Variants in GARNL3 observed in about 807,000 individuals in gnomAD.
The protein encoded by GARNL3 is GTPase activating Rap/RanGAP domain like 3, also known as GTPase-activating Rap/Ran-GAP domain-like protein 3.
GARNL3 carries 63 observed loss-of-function variants against 125.0 expected under a neutral mutation model. That is an observed-to-expected ratio of 0.50 (90% CI 0.41 to 0.62). The LOEUF is 0.62. Ranked by LOEUF, GARNL3 falls within the 20% of genes least tolerant of loss-of-function variation. The pLI, the probability that GARNL3 is intolerant of heterozygous loss-of-function variation, is 0.00. For synonymous variants in GARNL3, 439 were observed against 457.5 expected, an observed-to-expected ratio of 0.96 and a Z score of 0.52; for missense variants, 994 against 1,244.0, an observed-to-expected ratio of 0.80 and a Z score of 3.02.
At chr9:127,320,050 T>G (rs1489060963) in intron 5 of GARNL3, among the ~76,000 whole-genome samples, 1 of 152,218 alleles carries the variant, frequency 6.6e-6, no homozygotes, top group Non-Finnish European at 1.5e-5. Context: ...TAAGCCTAGA[T>G]TCAAGTCCTG....
rs116026150 is a variant in GARNL3 at position 127,372,266 on chromosome 9, C to G, written c.2161+6900C>G. Among the ~76,000 whole-genome samples, 457 of 152,220 alleles carry G rather than the reference C, an allele frequency of 3.0e-3. 1 individual carries two copies. The highest frequency in any genetic ancestry group is 0.01 in the African/African-American group (436 of 41,530). On this transcript the variant is annotated intron_variant, in intron 22 of 27. Transcript: ENST00000373387. ...CCCATCCCCATCCCAGGATTCTTGA[C>G]ACATAAACAAATTGGTGCAATGTGC...
Position 127,311,597 on chromosome 9 carries a change from G to C in GARNL3, c.220-39G>C, listed in dbSNP as rs201202835. The C allele has an allele frequency of 7.2e-6, 10 of 1,389,954 alleles. No homozygotes were observed. In the Admixed American group the frequency reaches 1.0e-4, roughly 14 times the overall value. The allele number at this position is 1,389,954 out of a possible 1,614,324, so 86.1% of individuals were successfully genotyped here. The stretch of plus-strand genomic sequence containing the variant: ...ATTGCCAGGTTCATGTTTACTTTCT[G>C]AATAAGCCTCTTAATGTCACAACTT... On this transcript the variant is annotated intron_variant, in intron 2 of 27. Transcript: ENST00000373387.
At chr9:127,344,867 G>C (rs1215704547) in intron 15 of GARNL3, among the ~76,000 whole-genome samples, 1 of 152,160 alleles carries the variant, frequency 6.6e-6, no homozygotes, top group African/African-American at 2.4e-5. Flanking sequence ...TGTGACACTG[G>C]TATTTCTCAG....
At chr9:127,246,010 T>C (rs2063297148) in intron 2 of GARNL3, among the ~76,000 whole-genome samples, 1 of 152,094 alleles carries the variant, frequency 6.6e-6, no homozygotes, top group Admixed American at 6.5e-5. Flanking sequence ...CCAATGAAGT[T>C]GACCAAGCAC....
intron 1 of GARNL3, among the ~76,000 whole-genome samples, chr9:127,284,948 C>T (rs762373481): frequency 1.3e-5 from 2 of 152,168 alleles, no homozygotes; most frequent in East Asian, 1.9e-4. Flanking sequence ...TGGTCTCAAG[C>T]GATCCTCCTG....
At chr9:127,325,980 G>A (rs1292541253) in intron 7 of GARNL3, among the ~76,000 whole-genome samples, 1 of 152,216 alleles carries the variant, frequency 6.6e-6, no homozygotes, top group African/African-American at 2.4e-5. Context: ...GCCTGCTGGA[G>A]CCTGCATGAT....
chr9:127,286,857 T>G (rs1051010993), intron 1 of GARNL3, among the ~76,000 whole-genome samples: 5 of 152,234 alleles, frequency 3.3e-5, no homozygotes, highest in African/African-American at 1.2e-4. Context: ...GTGTATTAGT[T>G]GGCTTAGAAC....
intron 12 of GARNL3, among the ~76,000 whole-genome samples, chr9:127,338,980 C>A (rs947484290): frequency 3.3e-5 from 5 of 152,150 alleles, no homozygotes; most frequent in Non-Finnish European, 7.4e-5. Flanking sequence ...CTAATAAAGA[C>A]ATACCCAAGA....
intron 2 of GARNL3, among the ~76,000 whole-genome samples, chr9:127,244,981 G>A (rs1410063822): frequency 6.6e-6 from 1 of 152,188 alleles, no homozygotes; most frequent in Non-Finnish European, 1.5e-5. Flanking sequence ...GGTGACCCCA[G>A]CGCACTGCAG....
intron 2 of GARNL3, among the ~76,000 whole-genome samples, chr9:127,257,909 A>G (rs1242586479): frequency 6.6e-6 from 1 of 152,266 alleles, no homozygotes; most frequent in African/African-American, 2.4e-5. Context: ...GGTAAGATCC[A>G]TGACAGTTAG....
chr9:127,334,805 T>C (rs965356595), intron 9 of GARNL3, among the ~76,000 whole-genome samples: 5 of 152,236 alleles, frequency 3.3e-5, no homozygotes, highest in Non-Finnish European at 7.3e-5. Context: ...ACAAATTGAA[T>C]CCAAGTCGGC....
intron 16 of GARNL3, among the ~76,000 whole-genome samples, chr9:127,345,685 A>G (rs4130590): frequency 0.6 from 91,153 of 152,122 alleles, 27,670 homozygotes; most frequent in African/African-American, 0.66. Flanking sequence ...ACCTGCTTCA[A>G]TGGAGCAGAG....
At position 127,365,356 on chromosome 9, in the gene GARNL3, G is replaced by A; in HGVS notation, c.2151G>A (p.Leu717=). The change falls in exon 22 of 28, where the codon TTG becomes TTA. Residue 717 remains leucine (L), a synonymous_variant. Transcript: ENST00000373387. ...VYEDGEAGLL[L]CYNYSCIYKK... is the part of the protein sequence containing the mutation. ...AAGATGGAGAAGCTGGTTTGCTGTT[G>A]TGTTACAACTGTAAGTTAAGGATGT... The A allele has an allele frequency of 6.2e-7, 1 of 1,612,792 alleles. No individual in the cohort carries two copies. The highest frequency in any genetic ancestry group is 8.5e-7 in the Non-Finnish European group (1 of 1,178,882).
At chr9:127,258,932 C>A (rs1270759264), upstream of GARNL3, among the ~76,000 whole-genome samples, 2 of 152,218 alleles carry the variant, frequency 1.3e-5, no homozygotes, top group Non-Finnish European at 2.9e-5. Flanking sequence ...GGCTTCTGAA[C>A]AACTGCCTGT....
intron 2 of GARNL3, among the ~76,000 whole-genome samples, chr9:127,244,524 GA>G (rs1379991689): frequency 6.6e-6 from 1 of 152,186 alleles, no homozygotes; most frequent in Non-Finnish European, 1.5e-5. Flanking sequence ...TCTAGGGTGG[GA>G]CATAAGAACT....
chr9:127,336,675 A>G (rs887930522), intron 11 of GARNL3, among the ~76,000 whole-genome samples: 1 of 152,236 alleles, frequency 6.6e-6, no homozygotes, highest in Non-Finnish European at 1.5e-5. Context: ...TTGAAATTTG[A>G]GAAATGATAG....
At chr9:127,246,418 C>A (rs536294452) in intron 2 of GARNL3, among the ~76,000 whole-genome samples, 30 of 152,010 alleles carry the variant, frequency 2.0e-4, no homozygotes, top group Non-Finnish European at 4.0e-4. Context: ...AGCTTCAACT[C>A]AGGGAGCTGA....
At chr9:127,225,778 G>A (rs1380924475) in intron 1 of GARNL3, among the ~76,000 whole-genome samples, 1 of 12,338 alleles carries the variant, frequency 8.1e-5, no homozygotes, top group Non-Finnish European at 2.1e-4. Context: ...TGCCCTGGCA[G>A]CCGCACACCT....
chr9:127,283,757 A>G (rs2064163894), intron 1 of GARNL3, among the ~76,000 whole-genome samples: 1 of 152,200 alleles, frequency 6.6e-6, no homozygotes, highest in Admixed American at 6.5e-5. Flanking sequence ...GTAATCACTC[A>G]CAGTGCCTGG....
Sources: allele counts gnomAD v4.1 joint callset (sites outside exome capture counted in the v4.1 genomes callset), GRCh38; gene constraint gnomAD v4.1.1; transcripts MANE v1.5; gene names NCBI Gene and HGNC (gene_info 2026-07-23, HGNC 2026-07-21).